PREX1: variants seen among roughly 807,000 people sequenced by gnomAD.
PREX1 encodes phosphatidylinositol-3,4,5-trisphosphate dependent Rac exchange factor 1.
PREX1 carries 41 observed loss-of-function variants against 198.3 expected under a neutral mutation model. The ratio of observed to expected loss-of-function variants is 0.21; its 90% CI spans 0.16 to 0.27. The LOEUF (loss-of-function observed/expected upper bound fraction) is 0.27. Among genes scored for constraint, PREX1 ranks in the 10% least tolerant of loss-of-function variants. The pLI is 1.00. For synonymous variants in PREX1, 843 were observed against 887.2 expected (o/e 0.95, Z 0.89); for missense variants, 1,620 against 2,200.7 (o/e 0.74, Z 5.28).
At chr20:48,718,365 T>A (rs2089971478) in intron 5 of PREX1, among the ~76,000 whole-genome samples, 1 of 152,086 alleles carries the variant, frequency 6.6e-6, no homozygotes, top group South Asian at 2.1e-4. Context: ...TGATGATAGC[T>A]ATAAATTTCA....
In PREX1 at chr20:48,815,445, A is replaced by C. The variant is rs377270788; in HGVS notation, c.219+12197T>G. Among the ~76,000 whole-genome samples, 5 of 152,338 alleles carry C rather than the reference A, an allele frequency of 3.3e-5. No individual in the cohort carries two copies. The East Asian group carries it at 5.8e-4, about 18-fold the overall frequency. On this transcript the variant is annotated intron_variant, in intron 1 of 39. Transcript: ENST00000371941. ...CCACAGAATATGTTCTCTGAACACA[A>C]ATTGGAAATCACTAAACAATGAGTT...
At chr20:48,713,812 C>T (rs1208417881) in intron 5 of PREX1, among the ~76,000 whole-genome samples, 1 of 136,136 alleles carries the variant, frequency 7.3e-6, no homozygotes, top group African/African-American at 2.7e-5. Context: ...CACATGTAGA[C>T]ATATGTAACA....
In PREX1 at chr20:48,671,732, TCCCGCACAGAAAGA is replaced by T. The variant is rs146380067; in HGVS notation, c.1665+4447_1665+4460del. The stretch of plus-strand genomic sequence containing the variant: ...AGGTCACATCCTTGTCACAGATCTC[TCCCGCACAGAAAGA>T]CCCACGCGGGCACACCCTCCTCCCC... On this transcript the variant is annotated intron_variant, in intron 14 of 39. Coordinates refer to ENST00000371941, the MANE Select transcript of PREX1 (RefSeq NM_020820.4). 4.8e-3 allele frequency among the ~76,000 whole-genome samples: 726 copies of T among 152,262 alleles called. 3 individuals carry two copies. Among genetic ancestry groups the T allele is most frequent in the African/African-American group, 0.017 (691 of 41,542 alleles).
In PREX1 at chr20:48,649,728, G is replaced by A. The variant is rs541893770; in HGVS notation, c.3029-152C>T. The A allele has an allele frequency of 1.4e-4, 148 of 1,075,896 alleles. No homozygotes were observed. In the African/African-American group the frequency reaches 2.1e-3, roughly 15 times the overall value. The allele number at this position is 1,075,896 out of a possible 1,614,324, so 66.6% of individuals were successfully genotyped here. ...TTAATTCATTCAGTTACTTCAAGAA[G>A]ACTGTTCCAGTCTGGTGCTAACATG... On this transcript the variant is annotated intron_variant, in intron 24 of 39. Transcript: ENST00000371941.
At chr20:48,761,295 A>AT (rs1329339688) in intron 1 of PREX1, among the ~76,000 whole-genome samples, 2 of 152,192 alleles carry the variant, frequency 1.3e-5, no homozygotes, top group Admixed American at 1.3e-4. Flanking sequence ...ATGTGTGTTT[A>AT]TATCAGTCTA....
chr20:48,717,431 T>C (rs1305457034), intron 5 of PREX1, among the ~76,000 whole-genome samples: 3 of 151,084 alleles, frequency 2.0e-5, no homozygotes, highest in Admixed American at 6.6e-5. Context: ...TGAAGTCCCC[T>C]GCGGCCATAC....
chr20:48,719,307 C>G (rs1006583699), intron 5 of PREX1, among the ~76,000 whole-genome samples: 1 of 152,296 alleles, frequency 6.6e-6, no homozygotes, highest in South Asian at 2.1e-4. Flanking sequence ...GGCAGGACCC[C>G]CCCCCCAACT....
intron 1 of PREX1, among the ~76,000 whole-genome samples, chr20:48,761,273 A>C (rs1354750677): frequency 1.3e-5 from 2 of 152,168 alleles, no homozygotes; most frequent in Admixed American, 1.3e-4. Context: ...AGCACCTGTC[A>C]CCATGGACAT....
At chr20:48,819,236 C>A (rs561586479) in intron 1 of PREX1, among the ~76,000 whole-genome samples, 8 of 152,314 alleles carry the variant, frequency 5.3e-5, no homozygotes, top group African/African-American at 1.7e-4. Context: ...GCGACCTGGA[C>A]CCCACCAACA....
At chr20:48,880,790 G>A in the PREX1 span, among the ~76,000 whole-genome samples, 74 of 152,114 alleles carry the variant, frequency 4.9e-4, no homozygotes, top group African/African-American at 1.6e-3. Context: ...TAGGCCACTA[G>A]TCATTTCTGC....
the PREX1 span, among the ~76,000 whole-genome samples, chr20:48,839,909 A>G: frequency 6.6e-6 from 1 of 152,250 alleles, no homozygotes; most frequent in Admixed American, 6.5e-5. Flanking sequence ...GAGCCAGACT[A>G]CTGATCGCTA....
At chr20:48,857,810 T>C in the PREX1 span, among the ~76,000 whole-genome samples, 1 of 152,110 alleles carries the variant, frequency 6.6e-6, no homozygotes, top group Admixed American at 6.6e-5. Context: ...GCAGGACTAC[T>C]TTAGTGGTGG....
At chr20:48,842,622 G>T in the PREX1 span, among the ~76,000 whole-genome samples, 12 of 150,680 alleles carry the variant, frequency 8.0e-5, no homozygotes, top group African/African-American at 2.7e-4. Context: ...AAATCTAGTA[G>T]CCGTGTCTCC....
the PREX1 span, among the ~76,000 whole-genome samples, chr20:48,840,525 G>A: frequency 6.6e-6 from 1 of 152,132 alleles, no homozygotes; most frequent in South Asian, 2.1e-4. Flanking sequence ...CATGGGGTTT[G>A]TACATATTTT....
At chr20:48,779,849 C>T (rs1051001092) in intron 1 of PREX1, among the ~76,000 whole-genome samples, 6 of 152,126 alleles carry the variant, frequency 3.9e-5, no homozygotes, top group Non-Finnish European at 7.4e-5. Flanking sequence ...TCAGGGGTAA[C>T]GATGGGGGAA....
At chr20:48,647,990 C>T (rs1015239291) in intron 25 of PREX1, among the ~76,000 whole-genome samples, 2 of 152,174 alleles carry the variant, frequency 1.3e-5, no homozygotes, top group Non-Finnish European at 2.9e-5. Context: ...ACTGCAGCCT[C>T]GATCTTCTGG....
chr20:48,826,007 C>A (rs1163343147), intron 1 of PREX1, among the ~76,000 whole-genome samples: 1 of 151,994 alleles, frequency 6.6e-6, no homozygotes, highest in East Asian at 1.9e-4. Flanking sequence ...CCCCTGCCCC[C>A]AGTACATCTC....
chr20:48,682,356 T>A (rs2089756864), intron 10 of PREX1, among the ~76,000 whole-genome samples: 1 of 152,174 alleles, frequency 6.6e-6, no homozygotes, highest in Non-Finnish European at 1.5e-5. Flanking sequence ...ATCACATCTC[T>A]GTGTTGCTTC....
At chr20:48,649,200 AC>A (rs3215555) in intron 25 of PREX1, 99 bp downstream of exon 25, 93,401 of 1,491,480 alleles carry the variant, frequency 0.063, 3,301 homozygotes, top group Admixed American at 0.11. Context: ...AGGACAGCCC[AC>A]CCCCCACTAC....
Sources: gnomAD v4.1 joint callset for allele counts (sites outside exome capture counted in the v4.1 genomes callset) on GRCh38, gnomAD v4.1.1 for gene constraint, MANE v1.5 for transcripts, NCBI Gene and HGNC (gene_info 2026-07-23, HGNC 2026-07-21) for gene names.